The following WNK3 variants were observed in gnomAD, a reference collection of about 807,000 sequenced individuals.
WNK3 encodes serine/threonine-protein kinase WNK3.
A neutral mutation model predicts 116.7 loss-of-function variants in WNK3; 18 were observed. That is an observed-to-expected ratio of 0.15 (90% confidence interval 0.11 to 0.23). The LOEUF is 0.23. Among genes scored for constraint, WNK3 ranks in the 10% least tolerant of loss-of-function variants. The pLI is 1.00. For synonymous variants in WNK3, 404 were observed against 469.4 expected (o/e 0.86, Z 1.80); for missense variants, 993 against 1,323.8 (o/e 0.75, Z 3.88).
chrX:54,316,206 G>C (rs180681334), intron 2 of WNK3, among the ~76,000 whole-genome samples: 34 of 111,033 alleles, frequency 3.1e-4, no homozygotes, highest in Admixed American at 6.8e-4. Context: ...TGTCATAAGG[G>C]TGGGTCCTTG....
chrX:54,228,271 A>G (rs2067864380), intron 22 of WNK3, among the ~76,000 whole-genome samples: 1 of 112,138 alleles, frequency 8.9e-6, no homozygotes, highest in African/African-American at 3.2e-5. Flanking sequence ...GAGGTGATGA[A>G]AGTGTTCTAA....
chrX:54,302,699 TTC>T (rs782673409), intron 5 of WNK3, among the ~76,000 whole-genome samples: 72 of 23,329 alleles, frequency 3.1e-3, no homozygotes, highest in African/African-American at 7.5e-3. Flanking sequence ...AACATTCCAA[TTC>T]TCTCTCTCTC....
At chrX:54,331,368 ATG>A (rs1400139523) in intron 2 of WNK3, among the ~76,000 whole-genome samples, 8 of 108,879 alleles carry the variant, frequency 7.3e-5, no homozygotes, top group Admixed American at 9.9e-5. Flanking sequence ...AGAAAGATAT[ATG>A]TGTGTGTGTG....
intron 1 of WNK3, among the ~76,000 whole-genome samples, chrX:54,351,335 A>G (rs782142916): frequency 9.3e-6 from 1 of 107,395 alleles, no homozygotes; most frequent in Non-Finnish European, 1.9e-5. Context: ...TTTCATCCTT[A>G]TTTTGGCAAC....
chrX:54,271,539 C>T (rs2068384239), intron 10 of WNK3, among the ~76,000 whole-genome samples: 1 of 111,736 alleles, frequency 8.9e-6, no homozygotes, highest in Admixed American at 9.6e-5. Flanking sequence ...AACTGGTGAT[C>T]TATACTAAAA....
intron 15 of WNK3, among the ~76,000 whole-genome samples, chrX:54,250,830 C>T (rs782113576): frequency 2.7e-5 from 3 of 110,823 alleles, no homozygotes; most frequent in South Asian, 7.8e-4. Flanking sequence ...CCCTCCCAGA[C>T]ACTCTTTAAT....
intron 2 of WNK3, among the ~76,000 whole-genome samples, chrX:54,328,103 A>G (rs1238146374): frequency 9.0e-6 from 1 of 110,780 alleles, no homozygotes; most frequent in Non-Finnish European, 1.9e-5. Flanking sequence ...CAAATTGATA[A>G]GACAAAAGTA....
chrX:54,193,686 ACTATTTCCAGGGTGAC>A (rs1264426794), exon 24 of WNK3: 1 of 111,479 alleles, frequency 9.0e-6, no homozygotes, highest in Non-Finnish European at 1.9e-5. Flanking sequence ...ACATACAAAG[ACTATTTCCAGGGTGAC>A]CTGAAGGCAT....
At chrX:54,240,540 A>G (rs1230276228) in intron 17 of WNK3, among the ~76,000 whole-genome samples, 10 of 111,834 alleles carry the variant, frequency 8.9e-5, no homozygotes, top group Non-Finnish European at 1.7e-4. Flanking sequence ...CAAATTAAAT[A>G]TTTGTTCTAG....
intron 10 of WNK3, among the ~76,000 whole-genome samples, chrX:54,276,079 T>C (rs986153303): frequency 5.5e-5 from 6 of 110,064 alleles, no homozygotes; most frequent in Non-Finnish European, 9.5e-5. Flanking sequence ...GTGGCTCACA[T>C]CTATAATCCC....
chrX:54,255,391 G>A (rs2068180899), intron 12 of WNK3, among the ~76,000 whole-genome samples: 1 of 111,319 alleles, frequency 9.0e-6, no homozygotes, highest in African/African-American at 3.3e-5. Flanking sequence ...CATTTAGGGT[G>A]CCTACCACAA....
At chrX:54,273,474 G>A (rs1295553345) in intron 10 of WNK3, among the ~76,000 whole-genome samples, 2 of 111,438 alleles carry the variant, frequency 1.8e-5, no homozygotes, top group African/African-American at 6.5e-5. Flanking sequence ...CCCGGAAGGC[G>A]GAGGTTGCAG....
intron 22 of WNK3, among the ~76,000 whole-genome samples, chrX:54,213,106 G>A (rs1557144120): frequency 2.1e-4 from 23 of 110,032 alleles, no homozygotes; most frequent in Non-Finnish European, 1.9e-5. Context: ...TCAGCCTCCT[G>A]CGTAGCTGGG....
At chrX:54,212,384 C>T (rs149083096) in intron 22 of WNK3, among the ~76,000 whole-genome samples, 1 of 110,976 alleles carries the variant, frequency 9.0e-6, no homozygotes, top group East Asian at 2.8e-4. Context: ...ACAGAAAAGG[C>T]ACAAAGAATG....
chrX:54,220,849 G>A (rs1279678925), intron 22 of WNK3, among the ~76,000 whole-genome samples: 1 of 110,854 alleles, frequency 9.0e-6, no homozygotes, highest in Non-Finnish European at 1.9e-5. Flanking sequence ...TCTACTTGTT[G>A]TATATAATTA....
At chrX:54,245,468 T>C (rs2068066334) in intron 17 of WNK3, among the ~76,000 whole-genome samples, 2 of 109,799 alleles carry the variant, frequency 1.8e-5, no homozygotes, top group Non-Finnish European at 3.8e-5. Flanking sequence ...GCCTGGGTAA[T>C]GGAGTGAGAC....
At chrX:54,238,454 C>G in exon 19 of WNK3, 1 of 1,206,814 alleles carries the variant, frequency 8.3e-7, no homozygotes, top group Non-Finnish European at 1.1e-6. Context: ...AATTGCTGAT[C>G]TCATCTCTTC....
At chrX:54,225,383 G>A (rs1285360169) in intron 22 of WNK3, among the ~76,000 whole-genome samples, 1 of 109,968 alleles carries the variant, frequency 9.1e-6, no homozygotes, top group Admixed American at 9.8e-5. Flanking sequence ...CACTTTGGGA[G>A]GCTGAGGTGG....
At chrX:54,215,132 A>C (rs1403262513) in intron 22 of WNK3, among the ~76,000 whole-genome samples, 3 of 106,639 alleles carry the variant, frequency 2.8e-5, no homozygotes, top group Admixed American at 2.0e-4. Context: ...AAAAAAAAAA[A>C]AAAAAAACAC....
Sources: allele counts gnomAD v4.1 joint callset (sites outside exome capture counted in the v4.1 genomes callset), GRCh38; gene constraint gnomAD v4.1.1; transcripts MANE v1.5; gene names NCBI Gene and HGNC (gene_info 2026-07-23, HGNC 2026-07-21).